TNFRSF13B: variants seen among roughly 807,000 people sequenced by gnomAD.
The protein encoded by TNFRSF13B is TNF receptor superfamily member 13B.
TNFRSF13B carries 34 observed loss-of-function variants against 24.0 expected under a neutral mutation model. That is an observed-to-expected ratio of 1.41 (90% CI 1.08 to 1.88). The LOEUF (loss-of-function observed/expected upper bound fraction) is 1.88. Ranked by LOEUF, TNFRSF13B falls within the 40% of genes most tolerant of loss-of-function variation. The pLI is 0.00. For missense variants in TNFRSF13B, 415 were observed against 380.8 expected (o/e 1.09, Z -0.75); for synonymous variants, 173 against 150.3 (o/e 1.15, Z -1.10).
At position 16,953,039 on chromosome 17, in the gene TNFRSF13B, G is replaced by C. The variant is rs993230093; in HGVS notation, c.62-456C>G. Reference sequence around the variant, plus strand: ...GGAAGCCTTTCTGACTCACCCCCTAGACTAGGACACGGTCCTTCTTCTACA... The same window carrying C: ...GGAAGCCTTTCTGACTCACCCCCTACACTAGGACACGGTCCTTCTTCTACA... On this transcript the variant is annotated intron_variant, in intron 1 of 4. Transcript: ENST00000261652. Among the ~76,000 whole-genome samples the C allele has an allele frequency of 3.9e-5, 6 of 152,162 alleles. 1 individual carries two copies. Among genetic ancestry groups the C allele is most frequent in the African/African-American group, 7.2e-5 (3 of 41,440 alleles).
rs150848825 is a variant in TNFRSF13B, at chr17:16,948,854, C to T, written c.329G>A (p.Ser110Asn). The change falls in exon 3 of 5, where the codon AGC becomes AAC. Residue 110 changes from serine (S) to asparagine (N), a missense_variant. Ser to Asn is a conservative substitution (Grantham distance 46, BLOSUM62 1). Transcript: ENST00000261652. ...CAYFCENKLRSPVNLPPELRR... is the reference protein window; with the variant it reads ...CAYFCENKLRNPVNLPPELRR... ...GAGCTCTGGTGGAAGGTTCACTGGG[C>T]TCCTGAGCTTGTTCTCACAGAAGTA... 1.9e-6 allele frequency: 3 copies of T among 1,614,248 alleles called. 1 individual carries two copies. The East Asian group carries it at 6.7e-5, about 36-fold the overall frequency.
At chr17:16,947,892 AC>A (rs2087560077) in intron 3 of TNFRSF13B, among the ~76,000 whole-genome samples, 1 of 152,250 alleles carries the variant, frequency 6.6e-6, no homozygotes, top group African/African-American at 2.4e-5. Flanking sequence ...AAAGATACAT[AC>A]ACACGTATGT....
intron 1 of TNFRSF13B, among the ~76,000 whole-genome samples, chr17:16,966,810 G>C (rs117923491): frequency 1.5e-5 from 2 of 137,894 alleles, no homozygotes; most frequent in African/African-American, 5.4e-5. Flanking sequence ...ACAACATTTG[G>C]TTTTTTTTGT....
At position 16,948,739 on chromosome 17, in the gene TNFRSF13B, T is replaced by A. The variant is rs748400544; in HGVS notation, c.444A>T (p.Pro148=). The A allele has an allele frequency of 6.2e-7, 1 of 1,613,916 alleles. No individual in the cohort carries two copies. The highest frequency in any genetic ancestry group is 2.2e-5 in the East Asian group (1 of 44,884). Reference sequence around the variant, plus strand: ...GCAGGTTTGCCTTGGGTGGCTTACCTGGACTTGCTTCTGAGCCTCTGTGCT... The same window carrying A: ...GCAGGTTTGCCTTGGGTGGCTTACCAGGACTTGCTTCTGAGCCTCTGTGCT... ...GLEHRGSEAS[P]ALPGLKLSAD... Residue 148 remains proline, a splice_region_variant and synonymous_variant, in exon 3 of 5, where the codon CCA becomes CCT. Transcript: ENST00000261652.
chr17:16,970,511 C>T (rs754240069), intron 1 of TNFRSF13B, among the ~76,000 whole-genome samples: 1 of 152,172 alleles, frequency 6.6e-6, no homozygotes, highest in Non-Finnish European at 1.5e-5. Flanking sequence ...GTTTTTTAAC[C>T]GCAGGGCTTC....
intron 4 of TNFRSF13B, 98 bp from the exon 5 acceptor site, chr17:16,939,895 T>C (rs1054100886): frequency 5.6e-6 from 8 of 1,433,710 alleles, no homozygotes; most frequent in African/African-American, 2.9e-5. Flanking sequence ...ACCCAGGAGC[T>C]AAGGGCAATC....
chr17:16,954,026 A>G (rs1190134507), intron 1 of TNFRSF13B, among the ~76,000 whole-genome samples: 1 of 152,180 alleles, frequency 6.6e-6, no homozygotes, highest in East Asian at 1.9e-4. Context: ...CGGCCTCCCA[A>G]AGTGCTGGGA....
At chr17:16,945,714 C>G (rs1364280831) in intron 3 of TNFRSF13B, among the ~76,000 whole-genome samples, 3 of 152,196 alleles carry the variant, frequency 2.0e-5, no homozygotes, top group Non-Finnish European at 2.9e-5. Context: ...ATCCACACCC[C>G]CTCCATGTGA....
chr17:16,955,035 A>G (rs2087615259), intron 1 of TNFRSF13B, among the ~76,000 whole-genome samples: 1 of 152,220 alleles, frequency 6.6e-6, no homozygotes, highest in Non-Finnish European at 1.5e-5. Flanking sequence ...CTGGGAAAAC[A>G]GACCCAAAGG....
intron 3 of TNFRSF13B, among the ~76,000 whole-genome samples, chr17:16,943,622 G>A (rs187328227): frequency 6.6e-6 from 1 of 152,242 alleles, no homozygotes; most frequent in East Asian, 1.9e-4. Flanking sequence ...TCCCATGGCT[G>A]CCCCTGCCCC....
rs772225388 is a variant in TNFRSF13B at position 16,942,059 on chromosome 17, A to G, written c.446-1548T>C. ...TATTGTGAATGACGTTGCTGTGAACATTCACATCCACATGTTTGTGTGGAT... is the reference window on the plus strand; with the variant it reads ...TATTGTGAATGACGTTGCTGTGAACGTTCACATCCACATGTTTGTGTGGAT... On this transcript the variant is annotated intron_variant, in intron 3 of 4. Transcript: ENST00000261652. 3.9e-5 allele frequency among the ~76,000 whole-genome samples: 6 copies of G among 152,212 alleles called. No homozygotes were observed. In the East Asian group the frequency reaches 7.7e-4, roughly 20 times the overall value.
At chr17:16,940,590 C>G in intron 3 of TNFRSF13B, 79 bp from the exon 4 acceptor site, 2 of 1,550,590 alleles carry the variant, frequency 1.3e-6, no homozygotes, top group Admixed American at 3.9e-5. Flanking sequence ...CACATCCCCC[C>G]ATCCCCCTGC....
rs537971779 is a variant in TNFRSF13B, at chr17:16,951,430, C to T, written c.199+1016G>A. On this transcript the variant is annotated intron_variant, in intron 2 of 4. Coordinates refer to ENST00000261652, the MANE Select transcript of TNFRSF13B (RefSeq NM_012452.3). ...GGTTATGAAAAAGAACAGCAAGCAA[C>T]GAATAATTTTCAAGACAATCAGGGA... is the stretch of plus-strand genomic sequence containing the variant. Among the ~76,000 whole-genome samples the T allele has an allele frequency of 5.9e-5, 9 of 152,294 alleles. No homozygotes were observed. The East Asian group carries it at 7.7e-4, about 13-fold the overall frequency.
intron 4 of TNFRSF13B, 74 bp from the exon 5 acceptor site, chr17:16,939,871 C>G (rs1597656533): frequency 6.7e-7 from 1 of 1,496,234 alleles, no homozygotes; most frequent in Non-Finnish European, 8.9e-7. Flanking sequence ...TGTGGGCAGC[C>G]GCACTCTCCC....
Position 16,939,594 on chromosome 17 carries a change from G to T in TNFRSF13B, c.835C>A (p.Leu279Ile), listed in dbSNP as rs2087491931. ...TGGGCAGGCACACACACAATGCCAAGGCCACTGTCTGGGATGTGTGGGCAA... is the reference window on the plus strand; with the variant it reads ...TGGGCAGGCACACACACAATGCCAATGCCACTGTCTGGGATGTGTGGGCAA... ...QPCPHIPDSG[L>I]GIVCVPAQEG... The change falls in exon 5 of 5, where the codon CTT becomes ATT. Residue 279 changes from leucine to isoleucine, a missense_variant. Physicochemically the swap from Leu to Ile is conservative, Grantham distance 5. Transcript: ENST00000261652. The T allele has an allele frequency of 6.2e-7, 1 of 1,613,402 alleles. No individual in the cohort carries two copies. Among genetic ancestry groups the T allele is most frequent in the African/African-American group, 1.3e-5 (1 of 74,882 alleles).
chr17:16,972,050 C>A lies in TNFRSF13B; in HGVS notation c.26G>T (p.Arg9Leu), dbSNP rs772399974. 1 of 1,613,984 alleles carries A rather than the reference C, an allele frequency of 6.2e-7. No homozygotes were observed. Among genetic ancestry groups the A allele is most frequent in the Non-Finnish European group, 8.5e-7 (1 of 1,180,028 alleles). ...CTGGTCCACACGGCTCCGGCCACCTCGCCTGCTCCGGCCCAGGCCACTCAT... is the reference window on the plus strand; with the variant it reads ...CTGGTCCACACGGCTCCGGCCACCTAGCCTGCTCCGGCCCAGGCCACTCAT... MSGLGRSR[R>L]GGRSRVDQEE... Residue 9 changes from arginine (R) to leucine (L), a missense_variant, in exon 1 of 5, where the codon CGA becomes CTA. Transcript: ENST00000261652.
intron 1 of TNFRSF13B, 35 bp from the exon 2 acceptor site, chr17:16,952,618 C>T (rs753662590): frequency 2.1e-5 from 34 of 1,613,828 alleles, no homozygotes; most frequent in Non-Finnish European, 2.8e-5. Flanking sequence ...AGCTGGCAGG[C>T]GGCCACAGCC....
chr17:16,947,200 A>G lies in TNFRSF13B; in HGVS notation c.445+1538T>C, dbSNP rs114706704. 7.0e-3 allele frequency among the ~76,000 whole-genome samples: 1,071 copies of G among 152,324 alleles called. 15 individuals are homozygous for G. Among genetic ancestry groups the G allele is most frequent in the African/African-American group, 0.024 (1,000 of 41,566 alleles). ...AGGCCGATATCCCTGAGGAACATAG[A>G]TGCAAGATGGATTACAGATTTAAAT... On this transcript the variant is annotated intron_variant, in intron 3 of 4. Coordinates refer to ENST00000261652, the MANE Select transcript of TNFRSF13B (RefSeq NM_012452.3).
intron 3 of TNFRSF13B, among the ~76,000 whole-genome samples, chr17:16,946,576 T>TTTTA (rs1191028278): frequency 2.2e-5 from 3 of 135,244 alleles, no homozygotes; most frequent in Non-Finnish European, 3.3e-5. Context: ...TTATTTTTAT[T>TTTTA]TTTATTTATT....
Sources: allele counts gnomAD v4.1 joint callset (sites outside exome capture counted in the v4.1 genomes callset), GRCh38; gene constraint gnomAD v4.1.1; transcripts MANE v1.5; gene names NCBI Gene and HGNC (gene_info 2026-07-23, HGNC 2026-07-21).